ARID1B: variants seen among roughly 807,000 people sequenced by gnomAD.
The protein encoded by ARID1B is AT-rich interactive domain-containing protein 1B.
A neutral mutation model predicts 212.3 loss-of-function variants in ARID1B; 30 were observed. That is an observed-to-expected ratio of 0.14 (90% confidence interval 0.11 to 0.19). The LOEUF is 0.19. ARID1B is among the 10% of genes least tolerant of loss of function. ARID1B has a pLI of 1.00. For missense variants in ARID1B, 2,891 were observed against 3,204.0 expected (o/e 0.90, Z 2.36); for synonymous variants, 1,402 against 1,301.7 (o/e 1.08, Z -1.66).
intron 7 of ARID1B, chr6:157,140,543 T>C (rs971390450): frequency 2.5e-5 from 10 of 398,338 alleles, no homozygotes; most frequent in Non-Finnish European, 4.4e-5. Flanking sequence ...TGTCCAACCA[T>C]AGTTACTATA....
At chr6:157,177,865 C>T (rs150971607) in intron 11 of ARID1B, among the ~76,000 whole-genome samples, 3,710 of 152,216 alleles carry the variant, frequency 0.024, 62 homozygotes, top group Non-Finnish European at 0.037. Flanking sequence ...TTCCGAAGGG[C>T]GAGTTTGTTT....
At chr6:156,917,249 G>A (rs767303461) in intron 3 of ARID1B, among the ~76,000 whole-genome samples, 4 of 152,078 alleles carry the variant, frequency 2.6e-5, no homozygotes, top group East Asian at 3.9e-4. Context: ...TAGTTGTTTC[G>A]GATTCTTAAG....
At chr6:157,105,344 TACAAAAGACACCGTAAGCAAA>T (rs1562621480) in intron 5 of ARID1B, among the ~76,000 whole-genome samples, 2 of 151,994 alleles carry the variant, frequency 1.3e-5, no homozygotes, top group Non-Finnish European at 2.9e-5. Context: ...AAATTTCCGC[TACAAAAGACACCGTAAGCAAA>T]ACTAAAAGAC....
chr6:157,046,447 G>A (rs1782251869), intron 4 of ARID1B, among the ~76,000 whole-genome samples: 1 of 152,126 alleles, frequency 6.6e-6, no homozygotes, highest in Non-Finnish European at 1.5e-5. Context: ...ACTGGGAGTT[G>A]AACAGACCCA....
At chr6:157,053,861 G>A (rs1562581025) in intron 4 of ARID1B, among the ~76,000 whole-genome samples, 1 of 152,136 alleles carries the variant, frequency 6.6e-6, no homozygotes, top group Non-Finnish European at 1.5e-5. Flanking sequence ...ATCACCTGAG[G>A]TCAGGAGTTC....
intron 1 of ARID1B, among the ~76,000 whole-genome samples, chr6:156,813,577 C>T (rs768764102): frequency 2.0e-5 from 3 of 152,252 alleles, no homozygotes; most frequent in South Asian, 2.1e-4. Context: ...TGTTCAGGTG[C>T]GGTGTTGTGT....
rs552180198 is a variant in ARID1B at position 156,882,523 on chromosome 6, G to A, written c.1987-18853G>A. ...TGAAATCCATTTGGGAAAACAAAGCGTAGCTACAGATACCAACTATAAGGG... is the reference window on the plus strand; with the variant it reads ...TGAAATCCATTTGGGAAAACAAAGCATAGCTACAGATACCAACTATAAGGG... On this transcript the variant is annotated intron_variant, in intron 2 of 19. Transcript: ENST00000636930. Among the ~76,000 whole-genome samples the A allele has an allele frequency of 2.6e-5, 4 of 152,308 alleles. No individual in the cohort carries two copies. The East Asian group carries it at 5.8e-4, about 22-fold the overall frequency.
intron 5 of ARID1B, among the ~76,000 whole-genome samples, chr6:157,109,449 C>G (rs1464019183): frequency 6.6e-6 from 1 of 152,092 alleles, no homozygotes; most frequent in Admixed American, 6.5e-5. Context: ...ATTTGTGTTT[C>G]CAATTTATTG....
chr6:157,196,584 G>T (rs991308982), intron 16 of ARID1B, among the ~76,000 whole-genome samples: 2 of 152,140 alleles, frequency 1.3e-5, no homozygotes, highest in South Asian at 2.1e-4. Flanking sequence ...CACAAGTCAC[G>T]CTGGCACCCG....
chr6:157,155,736 T>G (rs750013990), intron 8 of ARID1B, among the ~76,000 whole-genome samples: 7 of 152,184 alleles, frequency 4.6e-5, no homozygotes, highest in Non-Finnish European at 8.8e-5. Context: ...ATAGGGTAGC[T>G]AGATCAGTGG....
chr6:157,191,658 C>T (rs959645953), intron 15 of ARID1B, among the ~76,000 whole-genome samples: 8 of 152,102 alleles, frequency 5.3e-5, no homozygotes, highest in Non-Finnish European at 8.8e-5. Context: ...CAGTTCTGCC[C>T]GTGGTCTACA....
At chr6:156,867,830 G>T (rs1785816602) in intron 2 of ARID1B, among the ~76,000 whole-genome samples, 1 of 152,202 alleles carries the variant, frequency 6.6e-6, no homozygotes, top group African/African-American at 2.4e-5. Flanking sequence ...TCAAAATACA[G>T]CTCCTCTACC....
chr6:156,845,936 T>C (rs1198559459), intron 2 of ARID1B, among the ~76,000 whole-genome samples: 1 of 152,144 alleles, frequency 6.6e-6, no homozygotes, highest in Non-Finnish European at 1.5e-5. Context: ...CTGGCAGATG[T>C]TTGTTCTGTT....
chr6:157,054,223 C>CAAAAAAA (rs71645383), intron 4 of ARID1B, among the ~76,000 whole-genome samples: 4 of 144,686 alleles, frequency 2.8e-5, no homozygotes, highest in Admixed American at 7.0e-5. Context: ...GACTCTGTCT[C>CAAAAAAA]AAAAAAAAGA....
intron 19 of ARID1B, chr6:157,204,629 G>A (rs1794324839): frequency 6.6e-6 from 1 of 152,158 alleles, no homozygotes; most frequent in Non-Finnish European, 1.5e-5. Flanking sequence ...TCATGTAAAA[G>A]CCTACTACTT....
At chr6:156,977,091 CAAAA>C (rs144252627) in intron 4 of ARID1B, 107 of 149,060 alleles carry the variant, frequency 7.2e-4, no homozygotes, top group South Asian at 1.4e-3. Flanking sequence ...TACATATTTA[CAAAA>C]AAAAAAAAAA....
At chr6:156,780,686 TTA>T (rs1248401134) in intron 1 of ARID1B, among the ~76,000 whole-genome samples, 1 of 152,214 alleles carries the variant, frequency 6.6e-6, no homozygotes, top group African/African-American at 2.4e-5. Flanking sequence ...GGTTCAGTAT[TTA>T]AAGCTGAAAC....
rs1787103797 is a variant in ARID1B at position 156,881,609 on chromosome 6, C to T, written c.1987-19767C>T. On this transcript the variant is annotated intron_variant, in intron 2 of 19. Coordinates refer to ENST00000636930, the MANE Select transcript of ARID1B (RefSeq NM_001374828.1). Reference sequence around the variant, plus strand: ...CCATACCTCAATACTGGGCTACTTTCAACACCTGTGGTTGGAATTTTAGTC... The same window carrying T: ...CCATACCTCAATACTGGGCTACTTTTAACACCTGTGGTTGGAATTTTAGTC... 2.6e-5 allele frequency among the ~76,000 whole-genome samples: 4 copies of T among 152,190 alleles called. No homozygotes were observed. In the South Asian group the frequency reaches 6.2e-4, roughly 24 times the overall value.
chr6:156,998,475 G>A (rs1439278188), intron 4 of ARID1B, among the ~76,000 whole-genome samples: 5 of 152,044 alleles, frequency 3.3e-5, no homozygotes, highest in African/African-American at 1.2e-4. Context: ...CACCCGCCTC[G>A]GCCTCCCAAA....
Sources: gnomAD v4.1 joint callset for allele counts (sites outside exome capture counted in the v4.1 genomes callset) on GRCh38, gnomAD v4.1.1 for gene constraint, MANE v1.5 for transcripts, NCBI Gene and HGNC (gene_info 2026-07-23, HGNC 2026-07-21) for gene names.